The following CWF19L2 variants were observed in gnomAD, a reference collection of about 807,000 sequenced individuals.
CWF19L2 encodes CWF19 like cell cycle control factor 2.
Under a neutral mutation model 111.7 loss-of-function variants are expected in CWF19L2, and 98 were observed. The observed-to-expected ratio is 0.88, with a 90% CI of 0.75 to 1.04. The LOEUF (loss-of-function observed/expected upper bound fraction) is 1.04, where lower values mean the gene tolerates loss of function less well. Among genes scored for constraint, CWF19L2 ranks in the 50% least tolerant of loss-of-function variants. The pLI is 0.00. For missense variants in CWF19L2, 1,101 were observed against 1,051.4 expected, an observed-to-expected ratio of 1.05 and a Z score of -0.65; for synonymous variants, 351 against 342.9, an observed-to-expected ratio of 1.02 and a Z score of -0.26.
In CWF19L2 at chr11:107,428,915, A is replaced by G. The variant is rs1338540616; in HGVS notation, c.1317T>C (p.Ser439=). 3.7e-6 allele frequency: 6 copies of G among 1,613,534 alleles called. No individual in the cohort carries two copies. In the East Asian group the frequency reaches 1.3e-4, roughly 36 times the overall value. The part of the protein sequence containing the change: ...KHSNQKPSET[S]TDEHQHVPED... Reference sequence around the variant, plus strand: ...CTGGAACATGTTGGTGTTCATCAGTACTGGTTTCCGATGGCTTTTGATTTG... The same window carrying G: ...CTGGAACATGTTGGTGTTCATCAGTGCTGGTTTCCGATGGCTTTTGATTTG... Residue 439 remains serine (S), a synonymous_variant, in exon 8 of 18, where the codon AGT becomes AGC. Coordinates refer to ENST00000282251, the MANE Select transcript of CWF19L2 (RefSeq NM_152434.3).
At position 107,336,691 on chromosome 11, in the gene CWF19L2, T is replaced by C. The variant is rs1859929799; in HGVS notation, c.2225A>G (p.Lys742Arg). The C allele has an allele frequency of 6.7e-7, 1 of 1,497,068 alleles. No individual in the cohort carries two copies. The highest frequency in any genetic ancestry group is 9.0e-7 in the Non-Finnish European group (1 of 1,112,970). The allele number at this position is 1,497,068 out of a possible 1,614,324, so 92.7% of individuals were successfully genotyped here. The stretch of plus-strand genomic sequence containing the variant: ...GTCTAATCCTTTATCTTCAAACATC[T>C]TTACCAATGATTTTCTGAACATCTA... Reference protein sequence around the residue: ...EIQMFRKSLVKMFEDKGLDCI... With the variant: ...EIQMFRKSLVRMFEDKGLDCI... The change falls in exon 15 of 18, where the codon AAG becomes AGG. Residue 742 changes from lysine (K) to arginine (R), a missense_variant. Coordinates refer to ENST00000282251, the MANE Select transcript of CWF19L2 (RefSeq NM_152434.3).
intron 13 of CWF19L2, among the ~76,000 whole-genome samples, chr11:107,351,572 A>G (rs1860156528): frequency 6.6e-6 from 1 of 152,240 alleles, no homozygotes; most frequent in Admixed American, 6.5e-5. Flanking sequence ...AACATTTCAG[A>G]GAAAGATATC....
intron 17 of CWF19L2, among the ~76,000 whole-genome samples, chr11:107,328,559 A>C (rs1165006378): frequency 2.0e-5 from 3 of 152,230 alleles, no homozygotes; most frequent in Non-Finnish European, 4.4e-5. Flanking sequence ...AAAATGGCTC[A>C]GTGACGCAAT....
At chr11:107,375,918 A>G in intron 12 of CWF19L2, among the ~76,000 whole-genome samples, 1 of 67,014 alleles carries the variant, frequency 1.5e-5, no homozygotes, top group Non-Finnish European at 2.8e-5. Flanking sequence ...GCAATAAAAA[A>G]TGATAAAGGG....
In CWF19L2 at chr11:107,330,034, A is replaced by C; in HGVS notation, c.2440-15T>G. On this transcript the variant is annotated splice_polypyrimidine_tract_variant and intron_variant, in intron 16 of 17. Coordinates refer to ENST00000282251, the MANE Select transcript of CWF19L2 (RefSeq NM_152434.3). ...CCTCTGGGTACCTAAATAAACAGAC[A>C]AATCACAAATGGAATACAGTATGAA... 6.8e-7 allele frequency: 1 copy of C among 1,477,564 alleles called. No individual in the cohort carries two copies. The highest frequency in any genetic ancestry group is 9.2e-7 in the Non-Finnish European group (1 of 1,090,340). 91.5% of individuals were successfully genotyped at this position (1,477,564 alleles called of 1,614,324 possible).
chr11:107,388,838 T>C (rs1860808507), intron 12 of CWF19L2, among the ~76,000 whole-genome samples: 1 of 152,236 alleles, frequency 6.6e-6, no homozygotes, highest in African/African-American at 2.4e-5. Context: ...GTCTTCCTTC[T>C]TTCTGCATTA....
At chr11:107,354,415 C>G (rs1860205180) in intron 12 of CWF19L2, among the ~76,000 whole-genome samples, 1 of 152,150 alleles carries the variant, frequency 6.6e-6, no homozygotes, top group Non-Finnish European at 1.5e-5. Flanking sequence ...TTTCTCTGTG[C>G]TCTCTCTATG....
At chr11:107,436,762 G>A (rs948370312) in intron 6 of CWF19L2, among the ~76,000 whole-genome samples, 2 of 152,166 alleles carry the variant, frequency 1.3e-5, no homozygotes, top group South Asian at 2.1e-4. Context: ...AGAATCTAGA[G>A]TAACTAATGC....
At chr11:107,350,200 T>C (rs1860137408) in intron 13 of CWF19L2, among the ~76,000 whole-genome samples, 1 of 152,296 alleles carries the variant, frequency 6.6e-6, no homozygotes, top group Non-Finnish European at 1.5e-5. Context: ...ACTGATTGGC[T>C]GATCAATAAT....
In CWF19L2 at chr11:107,353,552, T is replaced by G. The variant is rs1245410943; in HGVS notation, c.2057A>C (p.Lys686Thr). 4 of 1,613,704 alleles carry G rather than the reference T, an allele frequency of 2.5e-6. No individual in the cohort carries two copies. The change falls in exon 13 of 18, where the codon AAG (lysine) becomes ACG (threonine). Residue 686 changes from lysine to threonine, a missense_variant. Physicochemically the swap from Lys to Thr is moderately conservative, Grantham distance 78 (BLOSUM62 -1). Transcript: ENST00000282251. The part of the protein sequence containing the change: ...LYCFDSSQFP[K>T]HLIVAIGVKV... ...AACACCTATTGCAACAATAAGATGC[T>G]TGGGAAATTGAGAGCTGTCAAAACA...
intron 15 of CWF19L2, among the ~76,000 whole-genome samples, chr11:107,336,260 C>T (rs2134524164): frequency 6.6e-6 from 1 of 152,068 alleles, no homozygotes; most frequent in Admixed American, 6.5e-5. Context: ...GATTCTCCTG[C>T]CTCAGCCTCC....
chr11:107,392,806 T>A lies in CWF19L2; in HGVS notation c.1707A>T (p.Ser569=). 2 of 1,594,278 alleles carry A rather than the reference T, an allele frequency of 1.3e-6. No individual in the cohort carries two copies. Among genetic ancestry groups the A allele is most frequent in the Non-Finnish European group, 1.7e-6 (2 of 1,171,586 alleles). ...TCTGTCTCTTTCTTCTTCCTCCTTG[T>A]GATTCCAGAGATTTTCCGGGTGTGT... ...PVNTPGKSLE[S]QGGRRKRQMV... Residue 569 remains serine, a synonymous_variant, in exon 11 of 18, where the codon TCA becomes TCT. Transcript: ENST00000282251.
chr11:107,396,274 A>G (rs1309599035), intron 10 of CWF19L2, among the ~76,000 whole-genome samples: 1 of 152,256 alleles, frequency 6.6e-6, no homozygotes, highest in East Asian at 1.9e-4. Flanking sequence ...TTCCATTTTC[A>G]TAAGAATGCC....
In CWF19L2 at chr11:107,357,978, A is replaced by C. The variant is rs142306632; in HGVS notation, c.1873-4242T>G. ...CATCATTTAGACAGAACCCTTTAAA[A>C]AGCTGATTATATTATACAAAATCAA... On this transcript the variant is annotated intron_variant, in intron 12 of 17. Transcript: ENST00000282251. Among the ~76,000 whole-genome samples the C allele has an allele frequency of 4.3e-3, 659 of 152,286 alleles. 4 individuals carry two copies. Among genetic ancestry groups the C allele is most frequent in the African/African-American group, 0.015 (616 of 41,564 alleles).
At chr11:107,450,691 C>T (rs890679316) in intron 3 of CWF19L2, among the ~76,000 whole-genome samples, 40 of 151,874 alleles carry the variant, frequency 2.6e-4, no homozygotes, top group African/African-American at 8.9e-4. Flanking sequence ...TTTAAAAAGA[C>T]GATGAAAACA....
intron 10 of CWF19L2, 38 bp downstream of exon 10, chr11:107,416,171 C>G: frequency 1.6e-6 from 1 of 639,168 alleles, no homozygotes. Context: ...TGGTAGTTTA[C>G]ACAAGGTAAT....
intron 12 of CWF19L2, among the ~76,000 whole-genome samples, chr11:107,379,211 T>C (rs778092144): frequency 1.3e-5 from 2 of 152,236 alleles, no homozygotes; most frequent in African/African-American, 4.8e-5. Context: ...TTTGTAGTTA[T>C]TACTATTTTC....
At chr11:107,444,868 T>C (rs1036433869) in intron 3 of CWF19L2, among the ~76,000 whole-genome samples, 1 of 152,132 alleles carries the variant, frequency 6.6e-6, no homozygotes, top group Non-Finnish European at 1.5e-5. Context: ...AAATATACCA[T>C]AGAGTGAATA....
chr11:107,338,621 C>T (rs1459694608), intron 14 of CWF19L2, among the ~76,000 whole-genome samples: 3 of 152,072 alleles, frequency 2.0e-5, no homozygotes, highest in Non-Finnish European at 4.4e-5. Flanking sequence ...ACCATGTGTC[C>T]AGGTGTTCTC....
Sources: allele counts gnomAD v4.1 joint callset (sites outside exome capture counted in the v4.1 genomes callset), GRCh38; gene constraint gnomAD v4.1.1; transcripts MANE v1.5; gene names NCBI Gene and HGNC (gene_info 2026-07-23, HGNC 2026-07-21).